OR1F1: variants seen among roughly 807,000 people sequenced by gnomAD.
The protein encoded by OR1F1 is olfactory receptor family 1 subfamily F member 1.
For missense variants in OR1F1, 493 were observed against 376.3 expected, an observed-to-expected ratio of 1.31 and a Z score of -2.57; for synonymous variants, 184 against 156.7, an observed-to-expected ratio of 1.17 and a Z score of -1.30.
chr16:3,193,034 T>A, the OR1F1 span, among the ~76,000 whole-genome samples: 1 of 152,148 alleles, frequency 6.6e-6, no homozygotes. Flanking sequence ...CCTCCCAGGT[T>A]CAAGCGATTT....
chr16:3,206,283 T>C (rs568539747), downstream of OR1F1, among the ~76,000 whole-genome samples: 1 of 152,292 alleles, frequency 6.6e-6, no homozygotes, highest in South Asian at 2.1e-4. Context: ...TTTTCTGTTG[T>C]TTAAGATGTT....
chr16:3,204,260 A>G, exon 1 of OR1F1: 1 of 1,607,228 alleles, frequency 6.2e-7, no homozygotes, highest in Non-Finnish European at 8.5e-7. Context: ...AGCGGGACAA[A>G]CCAGTCGAGT....
Position 3,204,988 on chromosome 16 carries a change from G to GT in OR1F1, c.744dup (p.Leu249SerfsTer13). The GT allele has an allele frequency of 6.2e-7, 1 of 1,614,062 alleles. No homozygotes were observed. Among genetic ancestry groups the GT allele is most frequent in the South Asian group, 1.1e-5 (1 of 91,074 alleles). ...CACCTGTGGTTCTCACCTGGCTGTG[G>GT]TTCTCCTCTTCTACAGCACCATCAT... On this transcript the variant is annotated frameshift_variant, in exon 1 of 1. Coordinates refer to ENST00000304646, the Ensembl canonical transcript of OR1F1. LOFTEE classifies it low-confidence loss of function (END_TRUNC).
At chr16:3,198,975 C>T in the OR1F1 span, among the ~76,000 whole-genome samples, 1 of 150,870 alleles carries the variant, frequency 6.6e-6, no homozygotes, top group African/African-American at 2.4e-5. Flanking sequence ...AAAACAAAAA[C>T]AAAATCAAAA....
At chr16:3,194,714 A>G in the OR1F1 span, among the ~76,000 whole-genome samples, 2 of 152,184 alleles carry the variant, frequency 1.3e-5, no homozygotes, top group Non-Finnish European at 2.9e-5. Flanking sequence ...GAGAAAACAG[A>G]GGTCTCTTTT....
chr16:3,204,180 A>G (rs1331698152), upstream of OR1F1: 10 of 1,248,978 alleles, frequency 8.0e-6, no homozygotes, highest in Non-Finnish European at 2.2e-6. Context: ...CCCCATCTTA[A>G]CCAGCATTTT....
upstream of OR1F1, among the ~76,000 whole-genome samples, chr16:3,202,825 A>C (rs1042483114): frequency 6.6e-6 from 1 of 152,128 alleles, no homozygotes; most frequent in African/African-American, 2.4e-5. Context: ...ACAACCCTAC[A>C]AGGTGAATAT....
the OR1F1 span, among the ~76,000 whole-genome samples, chr16:3,193,798 T>C: frequency 6.6e-6 from 1 of 152,190 alleles, no homozygotes; most frequent in Non-Finnish European, 1.5e-5. Context: ...GGTCTCGCTA[T>C]GTTGCTCAAG....
At chr16:3,192,046 A>G in the OR1F1 span, among the ~76,000 whole-genome samples, 30 of 152,144 alleles carry the variant, frequency 2.0e-4, no homozygotes, top group South Asian at 1.7e-3. Flanking sequence ...CCGGGTTCAA[A>G]TCCCGGACGA....
chr16:3,194,078 T>C, the OR1F1 span, among the ~76,000 whole-genome samples: 1 of 152,114 alleles, frequency 6.6e-6, no homozygotes, highest in Admixed American at 6.6e-5. Flanking sequence ...AGAAAAACTT[T>C]GCAAGAATAA....
the OR1F1 span, among the ~76,000 whole-genome samples, chr16:3,198,091 G>A: frequency 2.2e-5 from 3 of 137,110 alleles, no homozygotes; most frequent in Non-Finnish European, 3.3e-5. Context: ...GAGAAGGAGA[G>A]GGAGAGGGAG....
chr16:3,189,073 G>A, the OR1F1 span, among the ~76,000 whole-genome samples: 1 of 152,178 alleles, frequency 6.6e-6, no homozygotes, highest in Non-Finnish European at 1.5e-5. Context: ...AGGGTTCGAG[G>A]CCCACGTGGG....
At chr16:3,198,583 G>T in the OR1F1 span, among the ~76,000 whole-genome samples, 1 of 152,192 alleles carries the variant, frequency 6.6e-6, no homozygotes, top group Non-Finnish European at 1.5e-5. Context: ...GTGGCAGCTG[G>T]CAGGAGATGA....
chr16:3,193,319 C>T, the OR1F1 span, among the ~76,000 whole-genome samples: 19 of 152,328 alleles, frequency 1.2e-4, no homozygotes, highest in East Asian at 3.7e-3. Flanking sequence ...CAAGGCTCAG[C>T]GCTTCACCGA....
upstream of OR1F1, among the ~76,000 whole-genome samples, chr16:3,201,952 G>A (rs1958139642): frequency 6.6e-6 from 1 of 152,192 alleles, no homozygotes; most frequent in South Asian, 2.1e-4. Context: ...CCCTAGAGCT[G>A]TTACTCTCAG....
At chr16:3,202,174 G>A (rs964723373), upstream of OR1F1, among the ~76,000 whole-genome samples, 5 of 152,190 alleles carry the variant, frequency 3.3e-5, no homozygotes, top group Non-Finnish European at 7.3e-5. Flanking sequence ...ATTGGTAGAG[G>A]GAAGTTTCAT....
At chr16:3,194,013 C>T in the OR1F1 span, among the ~76,000 whole-genome samples, 4 of 152,094 alleles carry the variant, frequency 2.6e-5, no homozygotes, top group Non-Finnish European at 4.4e-5. Flanking sequence ...CCGTAGGTGA[C>T]TTGGGGTAAG....
the OR1F1 span, among the ~76,000 whole-genome samples, chr16:3,198,782 G>C: frequency 6.6e-6 from 1 of 151,880 alleles, no homozygotes; most frequent in Non-Finnish European, 1.5e-5. Context: ...AAGCCCAAGC[G>C]TTCAAGATCA....
downstream of OR1F1, among the ~76,000 whole-genome samples, chr16:3,205,505 G>A (rs146363290): frequency 2.5e-3 from 367 of 149,586 alleles, 5 homozygotes; most frequent in Admixed American, 0.016. Flanking sequence ...TTTTTGAGAC[G>A]GAGTCTCTCT....
Sources: allele counts gnomAD v4.1 joint callset (sites outside exome capture counted in the v4.1 genomes callset), GRCh38; gene constraint gnomAD v4.1.1; transcripts MANE v1.5; gene names NCBI Gene and HGNC (gene_info 2026-07-23, HGNC 2026-07-21).